The following DNAH17 variants were observed in gnomAD, a reference collection of about 807,000 sequenced individuals.
DNAH17 encodes the protein axonemal beta dynein heavy chain 17.
Under a neutral mutation model 485.6 loss-of-function variants are expected in DNAH17, and 376 were observed. The ratio of observed to expected loss-of-function variants is 0.77; its 90% CI spans 0.71 to 0.84. The LOEUF (loss-of-function observed/expected upper bound fraction) is 0.84. Among genes scored for constraint, DNAH17 ranks in the 40% least tolerant of loss-of-function variants. The probability of loss-of-function intolerance (pLI) is 0.00; values close to 1 mark genes in which losing one functional copy is unlikely to be tolerated. For synonymous variants in DNAH17, 3,031 were observed against 2,405.9 expected (o/e 1.26, Z -7.60); for missense variants, 6,370 against 5,839.3 (o/e 1.09, Z -2.96).
chr17:78,437,812 G>T lies in DNAH17; in HGVS notation c.11862C>A (p.Tyr3954Ter). 6.2e-7 allele frequency: 1 copy of T among 1,612,462 alleles called. No individual in the cohort carries two copies. The highest frequency in any genetic ancestry group is 8.5e-7 in the Non-Finnish European group (1 of 1,179,720). The change falls in exon 74 of 81, where the codon TAC becomes TAA. Residue 3954 changes from tyrosine to a stop codon, truncating the protein, a stop_gained. Coordinates refer to ENST00000389840, the MANE Select transcript of DNAH17 (RefSeq NM_173628.4). LOFTEE classifies it high-confidence loss of function. The part of the protein sequence containing the change: ...LGTLDKKLEH[Y>*]STGSHEDYRV... ...GGTAGTCCTCATGGCTGCCCGTGCT[G>T]TAGTGCTCCAGCTTCTTGTCCAGTG...
At chr17:78,432,013 C>CAAAACAAAACA (rs1231574691) in intron 75 of DNAH17, among the ~76,000 whole-genome samples, 40 of 151,558 alleles carry the variant, frequency 2.6e-4, no homozygotes, top group East Asian at 5.8e-4. Flanking sequence ...CTTTACAGAA[C>CAAAACAAAACA]AAAACAAAAC....
intron 18 of DNAH17, among the ~76,000 whole-genome samples, chr17:78,538,237 C>T (rs2091430928): frequency 6.6e-6 from 1 of 151,736 alleles, no homozygotes; most frequent in African/African-American, 2.4e-5. Flanking sequence ...AAAGCAGGTA[C>T]TGCAGGGGCT....
At position 78,459,038 on chromosome 17, in the gene DNAH17, G is replaced by A. The variant is rs1170275745; in HGVS notation, c.9824C>T (p.Ala3275Val). The A allele has an allele frequency of 3.1e-6, 5 of 1,613,924 alleles. No homozygotes were observed. The Admixed American group carries it at 5.0e-5, about 16-fold the overall frequency. Reference protein sequence around the residue: ...LEEANAELAEAQEKLSRIKNK... With the variant: ...LEEANAELAEVQEKLSRIKNK... ...TTTGATCCGGGACAGCTTCTCTTGT[G>A]CCTCTGCCAGCTCTGCATTAGCCTC... The change falls in exon 61 of 81, where the codon GCA becomes GTA. Residue 3275 changes from alanine (A) to valine (V), a missense_variant. Coordinates refer to ENST00000389840, the MANE Select transcript of DNAH17 (RefSeq NM_173628.4).
chr17:78,465,643 G>A (rs1163972838), intron 56 of DNAH17, among the ~76,000 whole-genome samples: 1 of 149,482 alleles, frequency 6.7e-6, no homozygotes, highest in African/African-American at 2.5e-5. Context: ...GAGGTGAGGA[G>A]CGTCTCTGCC....
At chr17:78,575,183 G>C (rs569480054) in intron 1 of DNAH17, 101 bp from the exon 2 acceptor site, 101 of 843,760 alleles carry the variant, frequency 1.2e-4, no homozygotes, top group Non-Finnish European at 1.7e-4. Flanking sequence ...ACCGGAGCAG[G>C]AACAAAACAG....
chr17:78,494,712 G>A lies in DNAH17; in HGVS notation c.6151C>T (p.Leu2051=). 6.2e-7 allele frequency: 1 copy of A among 1,613,880 alleles called. No homozygotes were observed. Among genetic ancestry groups the A allele is most frequent in the Non-Finnish European group, 8.5e-7 (1 of 1,179,884 alleles). The change falls in exon 40 of 81, where the codon CTG becomes TTG. Residue 2051 remains leucine (L), a synonymous_variant. Coordinates refer to ENST00000389840, the MANE Select transcript of DNAH17 (RefSeq NM_173628.4). ...ATCTTGGGGATGTTGAAGTCTCTCA[G>A]CGCCCGCATGAGCACCTGGTCCTCT... ...RAEDQVLMRA[L]RDFNIPKIVT... is the part of the protein sequence containing the mutation.
rs185012985 is a variant in DNAH17 at position 78,571,797 on chromosome 17, G to T, written c.540-15C>A. The T allele has an allele frequency of 1.1e-5, 17 of 1,561,042 alleles. No individual in the cohort carries two copies. Among genetic ancestry groups the T allele is most frequent in the African/African-American group, 4.1e-5 (3 of 73,620 alleles). ...AAGAGGGGATCCTGCCCAGTGGAAG[G>T]TTGGGGCATTGCTCTCATGGCGACA... is the stretch of plus-strand genomic sequence containing the variant. On this transcript the variant is annotated splice_polypyrimidine_tract_variant and intron_variant, in intron 3 of 80. Transcript: ENST00000389840.
intron 51 of DNAH17, among the ~76,000 whole-genome samples, chr17:78,478,654 C>CACCATCACT (rs373405651): frequency 1.3e-5 from 2 of 151,314 alleles, no homozygotes; most frequent in Admixed American, 1.3e-4. Context: ...TTACCATCAC[C>CACCATCACT]ACCATCACTA....
chr17:78,487,254 T>TG (rs1335152042), intron 44 of DNAH17, among the ~76,000 whole-genome samples: 2 of 152,180 alleles, frequency 1.3e-5, no homozygotes, highest in Non-Finnish European at 2.9e-5. Context: ...GAGTCCCTGG[T>TG]TTCTCATCTG....
chr17:78,570,884 A>AAAAAAAAAAAAAAAAAAAAAT, intron 6 of DNAH17, 64 bp downstream of exon 6: 1 of 698,210 alleles, frequency 1.4e-6, no homozygotes, highest in East Asian at 3.8e-5. Flanking sequence ...AAAAAGAAAA[A>AAAAAAAAAAAAAAAAAAAAAT]AGAAAAGAAA....
chr17:78,456,281 A>G (rs190438135), intron 62 of DNAH17, among the ~76,000 whole-genome samples: 45 of 152,356 alleles, frequency 3.0e-4, no homozygotes, highest in Admixed American at 2.6e-3. Flanking sequence ...CCTGGGTAAC[A>G]GAGCAAGACT....
intron 26 of DNAH17, 128 bp downstream of exon 26, chr17:78,514,646 G>GC (rs2090731414): frequency 1.5e-6 from 2 of 1,309,024 alleles, no homozygotes; most frequent in African/African-American, 2.9e-5. Flanking sequence ...CACGAAGCCA[G>GC]CCCTGCCCAC....
chr17:78,566,548 C>G, intron 11 of DNAH17, 66 bp downstream of exon 11: 2 of 1,201,860 alleles, frequency 1.7e-6, no homozygotes, highest in South Asian at 1.3e-5. Flanking sequence ...CAAGATCGTT[C>G]TCGACATGAA....
chr17:78,425,059 G>C, intron 80 of DNAH17: 1 of 299,164 alleles, frequency 3.3e-6, no homozygotes, highest in Non-Finnish European at 6.3e-6. Context: ...TTTTCATCAC[G>C]TCGGAGCTGC....
At chr17:78,439,640 C>T (rs935791275) in intron 72 of DNAH17, among the ~76,000 whole-genome samples, 8 of 147,444 alleles carry the variant, frequency 5.4e-5, no homozygotes, top group African/African-American at 1.8e-4. Flanking sequence ...GGTCCATCCA[C>T]GTTGTAGCAT....
chr17:78,551,540 T>A lies in DNAH17; in HGVS notation c.2386A>T (p.Met796Leu), dbSNP rs1406563498. Residue 796 changes from methionine (M) to leucine (L), a missense_variant, in exon 16 of 81, where the codon ATG becomes TTG. Met to Leu is a conservative substitution (Grantham distance 15). Coordinates refer to ENST00000389840, the MANE Select transcript of DNAH17 (RefSeq NM_173628.4). ...KQNIEGISQA[M>L]KDWSANPLFE... ...GTGCTCTGCCCCTTGCTTACCTTCATAGCCTGGGAAATTCCTTCTATATTT... is the reference window on the plus strand; with the variant it reads ...GTGCTCTGCCCCTTGCTTACCTTCAAAGCCTGGGAAATTCCTTCTATATTT... The A allele has an allele frequency of 1.2e-6, 2 of 1,613,984 alleles. No individual in the cohort carries two copies. Among genetic ancestry groups the A allele is most frequent in the Admixed American group, 3.3e-5 (2 of 60,034 alleles).
intron 25 of DNAH17, among the ~76,000 whole-genome samples, chr17:78,521,045 C>T (rs1323280153): frequency 1.3e-5 from 2 of 152,146 alleles, no homozygotes; most frequent in Admixed American, 1.3e-4. Context: ...TGGAACAGAG[C>T]ACAGAACCCA....
chr17:78,426,765 G>A, intron 78 of DNAH17, 161 bp downstream of exon 78: 1 of 1,285,370 alleles, frequency 7.8e-7, no homozygotes, highest in South Asian at 1.4e-5. Context: ...GAACGGTCTA[G>A]ATGAGCTCCC....
intron 24 of DNAH17, among the ~76,000 whole-genome samples, chr17:78,525,727 A>C (rs530968960): frequency 1.4e-4 from 21 of 152,320 alleles, no homozygotes; most frequent in East Asian, 1.2e-3. Flanking sequence ...CTGGAGCTCC[A>C]CAGCTCCCCT....
Sources: allele counts gnomAD v4.1 joint callset (sites outside exome capture counted in the v4.1 genomes callset), GRCh38; gene constraint gnomAD v4.1.1; transcripts MANE v1.5; gene names NCBI Gene and HGNC (gene_info 2026-07-23, HGNC 2026-07-21).